Variants in ATG10 observed in about 807,000 individuals in gnomAD.
ATG10 encodes the protein autophagy related 10, also known as ubiquitin-like-conjugating enzyme ATG10.
In ATG10, 30 loss-of-function variants were observed where a neutral mutation model predicts 32.1. That is an observed-to-expected ratio of 0.94 (90% CI 0.70 to 1.27). The LOEUF is 1.27. Ranked by LOEUF, ATG10 falls within the 50% of genes most tolerant of loss-of-function variation. ATG10 has a pLI of 0.00. For synonymous variants in ATG10, 87 were observed against 91.5 expected, an observed-to-expected ratio of 0.95 and a Z score of 0.28; for missense variants, 233 against 262.3, an observed-to-expected ratio of 0.89 and a Z score of 0.77.
chr5:82,002,740 G>A (rs1004301609), intron 2 of ATG10, among the ~76,000 whole-genome samples: 35 of 152,200 alleles, frequency 2.3e-4, no homozygotes, highest in African/African-American at 8.2e-4. Context: ...CCAAACCCCT[G>A]TGACATGCTA....
At chr5:82,112,521 A>G (rs923419566) in intron 3 of ATG10, among the ~76,000 whole-genome samples, 2 of 151,798 alleles carry the variant, frequency 1.3e-5, no homozygotes, top group Admixed American at 6.6e-5. Flanking sequence ...TCAAAATTCT[A>G]TTTGTTAATT....
intron 3 of ATG10, among the ~76,000 whole-genome samples, chr5:82,161,387 T>C (rs1743332991): frequency 6.6e-6 from 1 of 152,146 alleles, no homozygotes; most frequent in Admixed American, 6.6e-5. Flanking sequence ...AAGCTTGTTC[T>C]GTCCCCTCCC....
chr5:82,050,228 A>G (rs995925942), intron 2 of ATG10, among the ~76,000 whole-genome samples: 2 of 152,008 alleles, frequency 1.3e-5, no homozygotes, highest in African/African-American at 4.8e-5. Flanking sequence ...GGATGATTTT[A>G]ATTTGCTTAA....
At chr5:82,010,654 G>A in intron 2 of ATG10, among the ~76,000 whole-genome samples, 1 of 152,110 alleles carries the variant, frequency 6.6e-6, no homozygotes, top group East Asian at 1.9e-4. Context: ...GATTTTACTA[G>A]GTATATTTTG....
chr5:82,119,428 G>A (rs1765954798), intron 3 of ATG10, among the ~76,000 whole-genome samples: 1 of 151,998 alleles, frequency 6.6e-6, no homozygotes, highest in Non-Finnish European at 1.5e-5. Context: ...GGATGAGAAA[G>A]CTGTAATTGT....
chr5:82,128,170 G>A (rs1213722236), intron 3 of ATG10, among the ~76,000 whole-genome samples: 1 of 151,718 alleles, frequency 6.6e-6, no homozygotes, highest in Non-Finnish European at 1.5e-5. Flanking sequence ...TTTATTTTGA[G>A]CCTATGTGTG....
intron 3 of ATG10, among the ~76,000 whole-genome samples, chr5:82,138,618 C>T (rs1287061677): frequency 6.6e-6 from 1 of 152,080 alleles, no homozygotes; most frequent in Non-Finnish European, 1.5e-5. Context: ...AATCACCTGC[C>T]TATTGCGTTG....
At chr5:82,178,406 A>T (rs9293290) in intron 4 of ATG10, 84 bp from the exon 5 acceptor site, 482,421 of 795,776 alleles carry the variant, frequency 0.61, 152,215 homozygotes, top group East Asian at 0.93. Flanking sequence ...AAGTCATGAT[A>T]TTCTTCCAGG....
intron 1 of ATG10, among the ~76,000 whole-genome samples, chr5:81,984,851 A>G (rs979807868): frequency 6.6e-6 from 1 of 152,250 alleles, no homozygotes; most frequent in Non-Finnish European, 1.5e-5. Flanking sequence ...TAATTATTCC[A>G]TGATATTTCA....
chr5:82,131,625 A>G (rs1766527305), intron 3 of ATG10, among the ~76,000 whole-genome samples: 1 of 134,486 alleles, frequency 7.4e-6, no homozygotes, highest in South Asian at 2.3e-4. Flanking sequence ...AGAAAAATAT[A>G]TGTAGTTTTA....
At chr5:82,197,152 T>C (rs1010614203) in intron 5 of ATG10, among the ~76,000 whole-genome samples, 55 of 152,322 alleles carry the variant, frequency 3.6e-4, no homozygotes, top group African/African-American at 1.2e-3. Flanking sequence ...TTTTTGATGC[T>C]GTTGTGAATG....
intron 2 of ATG10, among the ~76,000 whole-genome samples, chr5:81,991,747 A>T (rs1291259696): frequency 3.3e-5 from 5 of 151,560 alleles, no homozygotes; most frequent in African/African-American, 1.2e-4. Context: ...GTGAGCCAAG[A>T]TCATACTATT....
intron 5 of ATG10, among the ~76,000 whole-genome samples, chr5:82,222,735 C>T (rs1561365318): frequency 6.6e-6 from 1 of 152,148 alleles, no homozygotes; most frequent in Non-Finnish European, 1.5e-5. Context: ...GAGATTGCCC[C>T]AGGTCTGGGA....
At chr5:82,166,980 TAATA>T (rs530197319) in intron 4 of ATG10, among the ~76,000 whole-genome samples, 77 of 152,292 alleles carry the variant, frequency 5.1e-4, no homozygotes, top group African/African-American at 1.7e-3. Flanking sequence ...GCAAAACAAG[TAATA>T]AATAGTTTCC....
intron 3 of ATG10, among the ~76,000 whole-genome samples, chr5:82,109,111 T>C (rs1765532249): frequency 6.6e-6 from 1 of 151,936 alleles, no homozygotes; most frequent in Admixed American, 6.6e-5. Flanking sequence ...TATAGGAGGC[T>C]AAGGTAAGAA....
chr5:82,198,937 C>T (rs1346092911), intron 5 of ATG10, among the ~76,000 whole-genome samples: 2 of 152,202 alleles, frequency 1.3e-5, no homozygotes, highest in African/African-American at 2.4e-5. Flanking sequence ...ATTCAGCTTT[C>T]ACACTGATAC....
chr5:82,167,438 G>A (rs1309441387), intron 4 of ATG10, among the ~76,000 whole-genome samples: 1 of 152,126 alleles, frequency 6.6e-6, no homozygotes, highest in East Asian at 1.9e-4. Flanking sequence ...TATTTGTTAA[G>A]TGAAACGATA....
At chr5:82,141,541 A>G (rs1279768859) in intron 3 of ATG10, among the ~76,000 whole-genome samples, 1 of 152,200 alleles carries the variant, frequency 6.6e-6, no homozygotes, top group Non-Finnish European at 1.5e-5. Context: ...CTAAATTATC[A>G]TTTAAAAGTA....
intron 2 of ATG10, among the ~76,000 whole-genome samples, chr5:81,990,052 T>G (rs1459232215): frequency 2.0e-5 from 3 of 152,188 alleles, no homozygotes; most frequent in African/African-American, 7.2e-5. Flanking sequence ...AGGAATGAGG[T>G]CATCTGCAAA....
Sources: gnomAD v4.1 joint callset for allele counts (sites outside exome capture counted in the v4.1 genomes callset) on GRCh38, gnomAD v4.1.1 for gene constraint, MANE v1.5 for transcripts, NCBI Gene and HGNC (gene_info 2026-07-23, HGNC 2026-07-21) for gene names.